Variants in CERK observed in about 807,000 individuals in gnomAD.
CERK encodes ceramide kinase, also known as acylsphingosine kinase.
Under a neutral mutation model 63.4 loss-of-function variants are expected in CERK, and 39 were observed. That is an observed-to-expected ratio of 0.61 (90% CI 0.48 to 0.80). CERK has a LOEUF of 0.80. CERK is among the 30% of genes least tolerant of loss of function. The probability of loss-of-function intolerance (pLI) is 0.00; values close to 1 mark genes in which losing one functional copy is unlikely to be tolerated. For synonymous variants in CERK, 302 were observed against 280.0 expected (o/e 1.08, Z -0.78); for missense variants, 670 against 714.1 (o/e 0.94, Z 0.70).
chr22:46,695,445 G>C (rs9616099), intron 8 of CERK, 130 bp from the exon 9 acceptor site: 99,308 of 686,052 alleles, frequency 0.14, 8,919 homozygotes, highest in Admixed American at 0.31. Flanking sequence ...GGGAGAGGCC[G>C]GGCCTGCTTC....
At chr22:46,701,056 T>C (rs1015932932) in intron 7 of CERK, among the ~76,000 whole-genome samples, 1 of 151,944 alleles carries the variant, frequency 6.6e-6, no homozygotes, top group Admixed American at 6.6e-5. Context: ...ATATACAGTT[T>C]CTGTGACTTC....
intron 1 of CERK, among the ~76,000 whole-genome samples, chr22:46,727,898 C>T (rs960173185): frequency 6.6e-6 from 1 of 152,008 alleles, no homozygotes; most frequent in African/African-American, 2.4e-5. Context: ...CACAGGAGGC[C>T]TGGACCTGAG....
intron 4 of CERK, 97 bp from the exon 5 acceptor site, chr22:46,711,246 C>G: frequency 1.1e-6 from 1 of 870,372 alleles, no homozygotes; most frequent in South Asian, 1.4e-5. Context: ...GTTCCTGTAA[C>G]ACCTTCAGGC....
chr22:46,712,049 T>G, intron 4 of CERK, 119 bp downstream of exon 4: 1 of 1,113,604 alleles, frequency 9.0e-7, no homozygotes, highest in Non-Finnish European at 1.3e-6. Flanking sequence ...ATTGCACCAC[T>G]GCACTCCAGC....
chr22:46,686,909 C>T lies in CERK; in HGVS notation c.*225G>A, dbSNP rs551642693. On this transcript the variant is annotated 3_prime_UTR_variant, in exon 13 of 13. Coordinates refer to ENST00000216264, the MANE Select transcript of CERK (RefSeq NM_022766.6). ...GTGCCCCCAAGTGAGCAGCTGCATC[C>T]GCTGAGAGTAAGCGGCGTGGGCTGC... The T allele has an allele frequency of 1.1e-4, 59 of 516,424 alleles. 1 individual carries two copies. The highest frequency in any genetic ancestry group is 5.3e-4 in the South Asian group (22 of 41,666). The allele number at this position is 516,424 out of a possible 1,614,324, so 32.0% of individuals were successfully genotyped here.
intron 4 of CERK, among the ~76,000 whole-genome samples, chr22:46,711,898 A>C (rs1005512679): frequency 6.6e-6 from 1 of 152,140 alleles, no homozygotes; most frequent in Non-Finnish European, 1.5e-5. Context: ...AACCAGCCTA[A>C]GCAATATGGT....
At chr22:46,704,592 C>T (rs1380002607) in intron 6 of CERK, among the ~76,000 whole-genome samples, 8 of 151,854 alleles carry the variant, frequency 5.3e-5, no homozygotes, top group South Asian at 2.1e-4. Context: ...TTTGGGAGGC[C>T]GAGGTGGGCA....
At chr22:46,725,483 G>A (rs1022126760) in intron 1 of CERK, among the ~76,000 whole-genome samples, 6 of 152,168 alleles carry the variant, frequency 3.9e-5, no homozygotes, top group East Asian at 3.9e-4. Context: ...CAGCATCCCC[G>A]CACAGCACGT....
chr22:46,733,497 T>C (rs1013040516), intron 1 of CERK, among the ~76,000 whole-genome samples: 2 of 150,930 alleles, frequency 1.3e-5, no homozygotes, highest in African/African-American at 2.4e-5. Flanking sequence ...TTTCACCATG[T>C]TGGGCAGGCT....
intron 3 of CERK, among the ~76,000 whole-genome samples, chr22:46,713,006 G>A (rs1392338289): frequency 4.0e-5 from 6 of 151,388 alleles, no homozygotes; most frequent in African/African-American, 9.7e-5. Flanking sequence ...CACCACGCCC[G>A]GCTAATTTTT....
intron 11 of CERK, among the ~76,000 whole-genome samples, chr22:46,690,540 C>A (rs2082725433): frequency 6.6e-6 from 1 of 152,186 alleles, no homozygotes; most frequent in Non-Finnish European, 1.5e-5. Context: ...TTACAGAATT[C>A]TGATAAATAA....
intron 8 of CERK, among the ~76,000 whole-genome samples, chr22:46,696,243 G>A (rs894047757): frequency 5.9e-5 from 9 of 152,196 alleles, no homozygotes; most frequent in African/African-American, 1.9e-4. Flanking sequence ...GGACAGCCCC[G>A]TCTGTGGGTC....
At chr22:46,711,255 G>A in intron 4 of CERK, 106 bp from the exon 5 acceptor site, 2 of 819,562 alleles carry the variant, frequency 2.4e-6, no homozygotes. Flanking sequence ...ACACCTTCAG[G>A]CGGATTTCCT....
At chr22:46,702,088 G>A in intron 6 of CERK, among the ~76,000 whole-genome samples, 1 of 151,176 alleles carries the variant, frequency 6.6e-6, no homozygotes, top group Non-Finnish European at 1.5e-5. Flanking sequence ...GGCTAAAGCA[G>A]GAGAATCGCT....
At chr22:46,736,476 T>A (rs2082974267) in intron 1 of CERK, among the ~76,000 whole-genome samples, 1 of 152,122 alleles carries the variant, frequency 6.6e-6, no homozygotes, top group Non-Finnish European at 1.5e-5. Context: ...CAGGAACCCA[T>A]CCGGTTTGAA....
At chr22:46,708,262 C>T (rs1379689212) in intron 5 of CERK, among the ~76,000 whole-genome samples, 2 of 152,236 alleles carry the variant, frequency 1.3e-5, no homozygotes, top group African/African-American at 4.8e-5. Flanking sequence ...TGCCTGCATG[C>T]CTGTACCCCC....
Position 46,687,765 on chromosome 22 carries a change from C to T in CERK, c.1542-559G>A, listed in dbSNP as rs573632676. On this transcript the variant is annotated intron_variant, in intron 12 of 12. Transcript: ENST00000216264. Reference sequence around the variant, plus strand: ...CAAGTTGGGGGTCCCTGGAGGTCCCCTGCCCAGGGGCTCGGTGGCCACAGT... The same window carrying T: ...CAAGTTGGGGGTCCCTGGAGGTCCCTTGCCCAGGGGCTCGGTGGCCACAGT... Among the ~76,000 whole-genome samples, 32 of 152,344 alleles carry T rather than the reference C, an allele frequency of 2.1e-4. 2 individuals carry two copies. In the South Asian group the frequency reaches 5.8e-3, roughly 28 times the overall value.
At chr22:46,732,792 C>T (rs183630851) in intron 1 of CERK, among the ~76,000 whole-genome samples, 40 of 152,256 alleles carry the variant, frequency 2.6e-4, no homozygotes, top group African/African-American at 2.4e-4. Flanking sequence ...TCTACTCAGA[C>T]GCTCAGCATC....
chr22:46,729,017 C>T (rs1282511259), intron 1 of CERK, among the ~76,000 whole-genome samples: 2 of 152,258 alleles, frequency 1.3e-5, no homozygotes, highest in Non-Finnish European at 2.9e-5. Context: ...TCCCTCGCCA[C>T]ATGAGACAGA....
Sources: allele counts gnomAD v4.1 joint callset (sites outside exome capture counted in the v4.1 genomes callset), GRCh38; gene constraint gnomAD v4.1.1; transcripts MANE v1.5; gene names NCBI Gene and HGNC (gene_info 2026-07-23, HGNC 2026-07-21).